DNAJB5: variants seen among roughly 807,000 people sequenced by gnomAD.
DNAJB5 encodes the protein dnaJ homolog subfamily B member 5.
DNAJB5 carries 12 observed loss-of-function variants against 32.6 expected under a neutral mutation model. That is an observed-to-expected ratio of 0.37 (90% confidence interval 0.24 to 0.60). The LOEUF (loss-of-function observed/expected upper bound fraction) is 0.60, where lower values mean the gene tolerates loss of function less well. DNAJB5 is among the 20% of genes least tolerant of loss of function. DNAJB5 has a pLI of 0.71. For missense variants in DNAJB5, 358 were observed against 554.2 expected, an observed-to-expected ratio of 0.65 and a Z score of 3.55; for synonymous variants, 188 against 212.9, an observed-to-expected ratio of 0.88 and a Z score of 1.02.
In DNAJB5 at chr9:34,989,783, G is replaced by A. The variant is rs1220755935; in HGVS notation, c.-181G>A. 8.1e-7 allele frequency: 1 copy of A among 1,231,480 alleles called. No individual in the cohort carries two copies. The highest frequency in any genetic ancestry group is 1.0e-6 in the Non-Finnish European group (1 of 987,754). The allele number at this position is 1,231,480 out of a possible 1,614,324, so 76.3% of individuals were successfully genotyped here. On this transcript the variant is annotated 5_prime_UTR_variant, in exon 1 of 5. Transcript: ENST00000682809. The stretch of plus-strand genomic sequence containing the variant: ...GCGGCGGAGCCGGAGCCGGGGGAGG[G>A]GGCAGCGGCTGTCTCACGGACCACG...
downstream of DNAJB5, chr9:34,998,896 CCT>C (rs1307093558): frequency 2.7e-5 from 4 of 149,296 alleles, no homozygotes; most frequent in Non-Finnish European, 5.9e-5. Flanking sequence ...TTCACTGCAG[CCT>C]CTGTCTCCTA....
At chr9:34,992,660 C>A in intron 2 of DNAJB5, 2 of 418,008 alleles carry the variant, frequency 4.8e-6, no homozygotes, top group East Asian at 1.6e-4. Context: ...GCAGACAGGA[C>A]TCCAGACACC....
chr9:34,994,894 C>T (rs570231181), intron 3 of DNAJB5, among the ~76,000 whole-genome samples: 2 of 152,306 alleles, frequency 1.3e-5, no homozygotes, highest in South Asian at 4.1e-4. Context: ...AGCAGTTATA[C>T]ACACAGACTC....
At position 34,990,101 on chromosome 9, in the gene DNAJB5, G is replaced by T; in HGVS notation, c.-133+270G>T. 1 of 757,950 alleles carries T rather than the reference G, an allele frequency of 1.3e-6. No homozygotes were observed. Among genetic ancestry groups the T allele is most frequent in the Non-Finnish European group, 2.0e-6 (1 of 490,362 alleles). The allele number at this position is 757,950 out of a possible 1,614,324, so 47.0% of individuals were successfully genotyped here. A position where few individuals can be genotyped will look rare whatever the true frequency, so the allele number is the denominator to read the frequency against. On this transcript the variant is annotated intron_variant, in intron 1 of 4. Transcript: ENST00000682809. This position sits in a 1 kb window ranked among gnomAD's most constrained non-coding sequence, Gnocchi z 4.5. Reference sequence around the variant, plus strand: ...TTCTGTGGGGCGGAGGCATCTGTGAGCAGACCAGCCAGCCAGCGCGGGTGA... The same window carrying T: ...TTCTGTGGGGCGGAGGCATCTGTGATCAGACCAGCCAGCCAGCGCGGGTGA...
chr9:34,991,779 G>A (rs997825620), intron 2 of DNAJB5: 1 of 216,554 alleles, frequency 4.6e-6, no homozygotes, highest in East Asian at 1.3e-4. Flanking sequence ...GGGAGTACCC[G>A]CCTTTGTGGA....
intron 2 of DNAJB5, chr9:34,991,737 C>G (rs903693375): frequency 4.3e-5 from 12 of 276,508 alleles, no homozygotes; most frequent in African/African-American, 2.5e-4. Context: ...CCATCTCCCC[C>G]ACAGACGTGA....
Position 34,990,409 on chromosome 9 carries a change from T to C in DNAJB5, c.-132-90T>C, listed in dbSNP as rs916429376. On this transcript the variant is annotated intron_variant, in intron 1 of 4. Transcript: ENST00000682809. The surrounding 1 kb of genome is among the most constrained non-coding windows in gnomAD (Gnocchi z 4.5). ...TCCCAGCCTCACTGACACGCTGCCA[T>C]ACAGCCGCTCACAGCCAGCCAGACA... The C allele has an allele frequency of 4.6e-6, 7 of 1,528,530 alleles. No homozygotes were observed. Among genetic ancestry groups the C allele is most frequent in the Non-Finnish European group, 6.1e-6 (7 of 1,142,732 alleles). 94.7% of individuals were successfully genotyped at this position (1,528,530 alleles called of 1,614,324 possible). A position where few individuals can be genotyped will look rare whatever the true frequency, so the allele number is the denominator to read the frequency against.
rs1330859428 is a variant in DNAJB5 at position 34,997,453 on chromosome 9, G to A, written c.*194G>A. The A allele has an allele frequency of 2.8e-6, 2 of 713,168 alleles. No individual in the cohort carries two copies. Among genetic ancestry groups the A allele is most frequent in the African/African-American group, 3.5e-5 (2 of 57,480 alleles). 44.2% of individuals were successfully genotyped at this position (713,168 alleles called of 1,614,324 possible). A position where few individuals can be genotyped will look rare whatever the true frequency, so the allele number is the denominator to read the frequency against. On this transcript the variant is annotated 3_prime_UTR_variant, in exon 5 of 5. Transcript: ENST00000682809. This position sits in a 1 kb window ranked among gnomAD's most constrained non-coding sequence, Gnocchi z 4.1. ...TGGGCTGCCTGGGGGGAGTGGGAGG[G>A]AGGTGGGGAGAGCTAGCCCAGGCCA...
At position 34,997,297 on chromosome 9, in the gene DNAJB5, AC is replaced by A; in HGVS notation, c.*43del. 2 of 1,575,816 alleles carry A rather than the reference AC, an allele frequency of 1.3e-6. No homozygotes were observed. Among genetic ancestry groups the A allele is most frequent in the African/African-American group, 2.7e-5 (2 of 73,718 alleles). ...CCAGTCCAGAGCCTACCACAGCAAT[AC>A]CCCCAACACTCACTCCACTCAATGT... On this transcript the variant is annotated 3_prime_UTR_variant, in exon 5 of 5. Coordinates refer to ENST00000682809, the MANE Select transcript of DNAJB5 (RefSeq NM_001349723.3). The surrounding 1 kb of genome is among the most constrained non-coding windows in gnomAD (Gnocchi z 4.1).
At position 34,997,404 on chromosome 9, in the gene DNAJB5, C is replaced by A; in HGVS notation, c.*145C>A. On this transcript the variant is annotated 3_prime_UTR_variant, in exon 5 of 5. Transcript: ENST00000682809. The surrounding 1 kb of genome is among the most constrained non-coding windows in gnomAD (Gnocchi z 4.1). ...AGCCACTGGTTTTCAGGAAAATGTT[C>A]CTGTCCCTGACCCCTTTTAGAGCTG... The A allele has an allele frequency of 1.1e-6, 1 of 936,680 alleles. No individual in the cohort carries two copies. Among genetic ancestry groups the A allele is most frequent in the Non-Finnish European group, 1.7e-6 (1 of 594,940 alleles). 58.0% of individuals were successfully genotyped at this position (936,680 alleles called of 1,614,324 possible). A position where few individuals can be genotyped will look rare whatever the true frequency, so the allele number is the denominator to read the frequency against.
In DNAJB5 at chr9:34,989,847, C is replaced by T. The variant is rs1563946891; in HGVS notation, c.-133+16C>T. 1 of 1,235,940 alleles carries T rather than the reference C, an allele frequency of 8.1e-7. No individual in the cohort carries two copies. Among genetic ancestry groups the T allele is most frequent in the African/African-American group, 1.6e-5 (1 of 64,480 alleles). The allele number at this position is 1,235,940 out of a possible 1,614,324, so 76.6% of individuals were successfully genotyped here. A position where few individuals can be genotyped will look rare whatever the true frequency, so the allele number is the denominator to read the frequency against. ...CTCCTCACCGGTGAGGGCGCCAAGC[C>T]AGGACTCGGGGGTCCCGGGAGCGGG... is the stretch of plus-strand genomic sequence containing the variant. On this transcript the variant is annotated intron_variant, in intron 1 of 4. Transcript: ENST00000682809.
intron 3 of DNAJB5, among the ~76,000 whole-genome samples, chr9:34,995,644 C>T (rs549225264): frequency 2.0e-5 from 3 of 152,326 alleles, no homozygotes; most frequent in East Asian, 3.9e-4. Flanking sequence ...AAAACTTTTT[C>T]TAGAAAAATA....
At chr9:34,992,810 G>C in intron 2 of DNAJB5, 7 of 1,037,732 alleles carry the variant, frequency 6.7e-6, no homozygotes, top group Non-Finnish European at 5.8e-6. Context: ...ATGCTCAGGT[G>C]ACCTCACCCG....
chr9:34,990,604 G>T lies in DNAJB5; in HGVS notation c.-27G>T. 1 of 1,551,478 alleles carries T rather than the reference G, an allele frequency of 6.4e-7. No individual in the cohort carries two copies. The highest frequency in any genetic ancestry group is 2.0e-5 in the Admixed American group (1 of 51,002). On this transcript the variant is annotated 5_prime_UTR_variant, in exon 2 of 5. Transcript: ENST00000682809. The surrounding 1 kb of genome is among the most constrained non-coding windows in gnomAD (Gnocchi z 4.5). ...CACTTCAGGCCGGCTCCGGTGGAGC[G>T]ATCAGAGGTGAGGGGCTTGGCTGGG...
chr9:34,990,203 G>C lies in DNAJB5; in HGVS notation c.-132-296G>C. The C allele has an allele frequency of 1.6e-6, 2 of 1,230,602 alleles. No individual in the cohort carries two copies. The highest frequency in any genetic ancestry group is 3.1e-5 in the South Asian group (2 of 64,550). The allele number at this position is 1,230,602 out of a possible 1,614,324, so 76.2% of individuals were successfully genotyped here. ...GCGCCTTTTGTCCCGGCCGAGCTCC[G>C]CTCTGCCCCGCCCATCTGCGAGGGA... On this transcript the variant is annotated intron_variant, in intron 1 of 4. Coordinates refer to ENST00000682809, the MANE Select transcript of DNAJB5 (RefSeq NM_001349723.3). This position sits in a 1 kb window ranked among gnomAD's most constrained non-coding sequence, Gnocchi z 4.5.
intron 2 of DNAJB5, chr9:34,991,920 A>C: frequency 6.2e-6 from 1 of 160,078 alleles, no homozygotes; most frequent in Admixed American, 6.1e-5. Flanking sequence ...CCTCCCCCTT[A>C]CCCGGTTACA....
Position 34,996,883 on chromosome 9 carries a change from C to A in DNAJB5, c.1029+17C>A. 1 of 1,596,630 alleles carries A rather than the reference C, an allele frequency of 6.3e-7. No individual in the cohort carries two copies. Among genetic ancestry groups the A allele is most frequent in the Non-Finnish European group, 8.5e-7 (1 of 1,171,322 alleles). ...CTCAAGGAGGTGGGGCCTAGTCAGG[C>A]TGTGTGTGTGTGCTGGGGAGATGGT... is the stretch of plus-strand genomic sequence containing the variant. On this transcript the variant is annotated intron_variant, in intron 4 of 4. Transcript: ENST00000682809. This position sits in a 1 kb window ranked among gnomAD's most constrained non-coding sequence, Gnocchi z 7.2.
Position 34,990,396 on chromosome 9 carries a change from T to C in DNAJB5, c.-132-103T>C. 1 of 1,525,248 alleles carries C rather than the reference T, an allele frequency of 6.6e-7. No homozygotes were observed. The highest frequency in any genetic ancestry group is 1.2e-5 in the South Asian group (1 of 83,068). The allele number at this position is 1,525,248 out of a possible 1,614,324, so 94.5% of individuals were successfully genotyped here. On this transcript the variant is annotated intron_variant, in intron 1 of 4. Coordinates refer to ENST00000682809, the MANE Select transcript of DNAJB5 (RefSeq NM_001349723.3). The surrounding 1 kb of genome is among the most constrained non-coding windows in gnomAD (Gnocchi z 4.5). ...CACACGCTTGCACTCCCAGCCTCAC[T>C]GACACGCTGCCATACAGCCGCTCAC... is the stretch of plus-strand genomic sequence containing the variant.
At position 34,996,991 on chromosome 9, in the gene DNAJB5, C is replaced by T. The variant is rs780851636; in HGVS notation, c.1030-35C>T. ...TCCTTCCTTCCCACTCACCTTACCC[C>T]ACCTTTTCCTCACTTTCTGCTTCGT... On this transcript the variant is annotated intron_variant, in intron 4 of 4. Transcript: ENST00000682809. The surrounding 1 kb of genome is among the most constrained non-coding windows in gnomAD (Gnocchi z 7.2). 6.2e-7 allele frequency: 1 copy of T among 1,607,098 alleles called. No individual in the cohort carries two copies. Among genetic ancestry groups the T allele is most frequent in the South Asian group, 1.1e-5 (1 of 91,012 alleles).
Sources: gnomAD v4.1 joint callset for allele counts (sites outside exome capture counted in the v4.1 genomes callset) on GRCh38, gnomAD v4.1.1 for gene constraint, Gnocchi (gnomAD v3.1) non-coding constraint, MANE v1.5 for transcripts, NCBI Gene and HGNC (gene_info 2026-07-23, HGNC 2026-07-21) for gene names.